Variants in NQO2 observed in about 807,000 individuals in gnomAD.
NQO2 encodes the protein N-ribosyldihydronicotinamide:quinone dehydrogenase 2.
NQO2 carries 18 observed loss-of-function variants against 22.0 expected under a neutral mutation model. That is an observed-to-expected ratio of 0.82 (90% CI 0.56 to 1.21). The LOEUF is 1.21. Among genes scored for constraint, NQO2 ranks in the 50% most tolerant of loss-of-function variants. The probability of loss-of-function intolerance (pLI) is 0.00; values close to 1 mark genes in which losing one functional copy is unlikely to be tolerated. For missense variants in NQO2, 267 were observed against 286.9 expected (o/e 0.93, Z 0.50); for synonymous variants, 106 against 110.8 (o/e 0.96, Z 0.28).
chr6:3,015,203 A>G (rs1328849644), intron 4 of NQO2: 38 of 1,353,354 alleles, frequency 2.8e-5, no homozygotes, highest in Non-Finnish European at 3.6e-5. Context: ...CTTCCTTTTG[A>G]CTGGCTTGAT....
At chr6:3,017,855 A>G (rs571537769) in intron 6 of NQO2, among the ~76,000 whole-genome samples, 35 of 151,818 alleles carry the variant, frequency 2.3e-4, no homozygotes, top group African/African-American at 7.0e-4. Flanking sequence ...TGCACGCGTC[A>G]CCCCTTTTCT....
rs373433288 is a variant in NQO2 at position 3,019,579 on chromosome 6, C to T, written c.620C>T (p.Ala207Val). ...GAAGAAAGAAAGGGGATGGTGGCTG[C>T]GTGGTCCCAGAGGCTGCAGACCATC... ...SEEERKGMVA[A>V]WSQRLQTIWK... Residue 207 changes from alanine to valine, a missense_variant, in exon 7 of 7, where the codon GCG (alanine) becomes GTG (valine). By Grantham distance (64) the Ala-to-Val change is moderately conservative. Coordinates refer to ENST00000380455, the MANE Select transcript of NQO2 (RefSeq NM_000904.6). 227 of 1,614,028 alleles carry T rather than the reference C, an allele frequency of 1.4e-4. No homozygotes were observed. The highest frequency in any genetic ancestry group is 4.2e-4 in the Admixed American group (25 of 59,998).
At chr6:3,016,430 C>CAAAAAAAAAAAAA (rs36118697) in intron 5 of NQO2, among the ~76,000 whole-genome samples, 12 of 85,702 alleles carry the variant, frequency 1.4e-4, no homozygotes, top group African/African-American at 4.8e-4. Flanking sequence ...GACTCTGTCT[C>CAAAAAAAAAAAAA]AAAAAAAAAA....
At chr6:3,018,089 CT>C (rs1757400247) in intron 6 of NQO2, among the ~76,000 whole-genome samples, 1 of 152,168 alleles carries the variant, frequency 6.6e-6, no homozygotes, top group Non-Finnish European at 1.5e-5. Context: ...TCAATTATAT[CT>C]TCTAAAAGTT....
chr6:3,007,003 C>A (rs1357054919), intron 2 of NQO2: 4 of 398,660 alleles, frequency 1.0e-5, no homozygotes, highest in African/African-American at 2.1e-5. Context: ...CATGAACATG[C>A]AATCTCTCAA....
At chr6:3,013,095 A>G (rs1012481304) in intron 4 of NQO2, among the ~76,000 whole-genome samples, 2 of 151,324 alleles carry the variant, frequency 1.3e-5, no homozygotes, top group Non-Finnish European at 2.9e-5. Flanking sequence ...AGCTGGGACT[A>G]CAGGCGCCCG....
At position 3,019,742 on chromosome 6, in the gene NQO2, T is replaced by C. The variant is rs1310068725; in HGVS notation, c.*87T>C. 5.0e-6 allele frequency: 6 copies of C among 1,193,770 alleles called. No individual in the cohort carries two copies. The highest frequency in any genetic ancestry group is 2.8e-5 in the Admixed American group (1 of 36,342). The allele number at this position is 1,193,770 out of a possible 1,614,324, so 73.9% of individuals were successfully genotyped here. ...AAGATGGTGCTGTCATGAAATAAAA[T>C]TACAACATAGCTACCTGGGGATACT... On this transcript the variant is annotated 3_prime_UTR_variant, in exon 7 of 7. Coordinates refer to ENST00000380455, the MANE Select transcript of NQO2 (RefSeq NM_000904.6).
chr6:3,003,884 G>A (rs1324118145), intron 1 of NQO2: 7 of 152,656 alleles, frequency 4.6e-5, no homozygotes, highest in African/African-American at 1.8e-4. Flanking sequence ...GTTTCTGCAT[G>A]GAAAATACAT....
At chr6:3,012,793 A>C in intron 4 of NQO2, 119 bp downstream of exon 4, 1 of 984,462 alleles carries the variant, frequency 1.0e-6, no homozygotes. Flanking sequence ...ACAGTTGCAC[A>C]CTTACTGAGC....
rs573416359 is a variant in NQO2 at position 3,009,586 on chromosome 6, C to G, written c.8-439C>G. On this transcript the variant is annotated intron_variant, in intron 2 of 6. Transcript: ENST00000380455. Reference sequence around the variant, plus strand: ...CTGTCCATGAAATCTTCACAATTTACGTTCAGAGATTGCAGTAAAGACAGG... The same window carrying G: ...CTGTCCATGAAATCTTCACAATTTAGGTTCAGAGATTGCAGTAAAGACAGG... Among the ~76,000 whole-genome samples, 6 of 152,336 alleles carry G rather than the reference C, an allele frequency of 3.9e-5. No homozygotes were observed. In the East Asian group the frequency reaches 1.2e-3, roughly 29 times the overall value.
At chr6:3,014,263 T>G (rs752657800) in intron 4 of NQO2, among the ~76,000 whole-genome samples, 9 of 152,184 alleles carry the variant, frequency 5.9e-5, no homozygotes, top group Non-Finnish European at 1.2e-4. Context: ...ACCAGCCCTT[T>G]CTTTACTCAG....
chr6:3,000,114 G>T (rs532193514), intron 1 of NQO2, 29 bp downstream of exon 1: 13 of 152,532 alleles, frequency 8.5e-5, no homozygotes, highest in African/African-American at 3.1e-4. Flanking sequence ...GGGACCGGGG[G>T]ACTTGGGAAG....
chr6:3,005,740 C>A (rs1474683160), intron 1 of NQO2: 2 of 985,226 alleles, frequency 2.0e-6, no homozygotes, highest in East Asian at 1.1e-4. Context: ...GGAGAACTCA[C>A]GTTTTTCCAG....
In NQO2 at chr6:3,006,387, G is replaced by C; in HGVS notation, c.-85-81G>C. 2 of 1,437,332 alleles carry C rather than the reference G, an allele frequency of 1.4e-6. No individual in the cohort carries two copies. The highest frequency in any genetic ancestry group is 1.8e-6 in the Non-Finnish European group (2 of 1,095,726). 89.0% of individuals were successfully genotyped at this position (1,437,332 alleles called of 1,614,324 possible). A position where few individuals can be genotyped will look rare whatever the true frequency, so the allele number is the denominator to read the frequency against. ...GATGTGTTTGCGTGTCTGTCAGGAA[G>C]CAGCAGTGATGCCTAGATGTGGTAC... On this transcript the variant is annotated intron_variant, in intron 1 of 6. Transcript: ENST00000380455. This position sits in a 1 kb window ranked among gnomAD's most constrained non-coding sequence, Gnocchi z 4.0.
Position 3,006,729 on chromosome 6 carries a change from A to C in NQO2, c.7+170A>C. On this transcript the variant is annotated intron_variant, in intron 2 of 6. Coordinates refer to ENST00000380455, the MANE Select transcript of NQO2 (RefSeq NM_000904.6). This position sits in a 1 kb window ranked among gnomAD's most constrained non-coding sequence, Gnocchi z 4.0. ...TTGGATACATTGTTGTAAAAAATCCAAGCCACGTGGAAGTGTATAAACTAT... is the reference window on the plus strand; with the variant it reads ...TTGGATACATTGTTGTAAAAAATCCCAGCCACGTGGAAGTGTATAAACTAT... 2 of 614,620 alleles carry C rather than the reference A, an allele frequency of 3.3e-6. No homozygotes were observed. Among genetic ancestry groups the C allele is most frequent in the South Asian group, 2.5e-5 (1 of 40,102 alleles). 38.1% of individuals were successfully genotyped at this position (614,620 alleles called of 1,614,324 possible). A position where few individuals can be genotyped will look rare whatever the true frequency, so the allele number is the denominator to read the frequency against.
In NQO2 at chr6:3,006,753, A is replaced by T; in HGVS notation, c.7+194A>T. 2.0e-6 allele frequency: 1 copy of T among 509,800 alleles called. No individual in the cohort carries two copies. The highest frequency in any genetic ancestry group is 3.4e-5 in the South Asian group (1 of 29,742). 31.6% of individuals were successfully genotyped at this position (509,800 alleles called of 1,614,324 possible). On this transcript the variant is annotated intron_variant, in intron 2 of 6. Transcript: ENST00000380455. The surrounding 1 kb of genome is among the most constrained non-coding windows in gnomAD (Gnocchi z 4.0). ...CAAGCCACGTGGAAGTGTATAAACT[A>T]TCTGGAATTATCTTGTTTTCTATGT...
intron 6 of NQO2, among the ~76,000 whole-genome samples, chr6:3,019,044 G>A (rs1757440678): frequency 6.6e-6 from 1 of 151,938 alleles, no homozygotes; most frequent in Non-Finnish European, 1.5e-5. Flanking sequence ...TACATGAATG[G>A]TATATCATAA....
chr6:3,006,564 T>A lies in NQO2; in HGVS notation c.7+5T>A. 2 of 1,604,200 alleles carry A rather than the reference T, an allele frequency of 1.2e-6. No individual in the cohort carries two copies. Among genetic ancestry groups the A allele is most frequent in the African/African-American group, 1.3e-5 (1 of 74,454 alleles). Reference sequence around the variant, plus strand: ...CACCTTCTTACGCTATGGCAGGTAATGATTCACTATTGTGGAGTAAGACTT... The same window carrying A: ...CACCTTCTTACGCTATGGCAGGTAAAGATTCACTATTGTGGAGTAAGACTT... On this transcript the variant is annotated splice_donor_5th_base_variant and intron_variant, in intron 2 of 6. Coordinates refer to ENST00000380455, the MANE Select transcript of NQO2 (RefSeq NM_000904.6). This position sits in a 1 kb window ranked among gnomAD's most constrained non-coding sequence, Gnocchi z 4.0.
chr6:3,004,403 G>C (rs1756862463), intron 1 of NQO2: 9 of 985,592 alleles, frequency 9.1e-6, no homozygotes, highest in Non-Finnish European at 1.1e-5. Context: ...CCCTCTTGGG[G>C]AGTGACAGTG....
Sources: gnomAD v4.1 joint callset for allele counts (sites outside exome capture counted in the v4.1 genomes callset) on GRCh38, gnomAD v4.1.1 for gene constraint, Gnocchi (gnomAD v3.1) non-coding constraint, MANE v1.5 for transcripts, NCBI Gene and HGNC (gene_info 2026-07-23, HGNC 2026-07-21) for gene names.